ABCA13: variants seen among roughly 807,000 people sequenced by gnomAD.
The protein encoded by ABCA13 is ATP binding cassette subfamily A member 13, also known as ATP-binding cassette sub-family A member 13.
Under a neutral mutation model 478.7 loss-of-function variants are expected in ABCA13, and 476 were observed. That is an observed-to-expected ratio of 0.99 (90% CI 0.92 to 1.07). The LOEUF (loss-of-function observed/expected upper bound fraction) is 1.07. Among genes scored for constraint, ABCA13 ranks in the 50% least tolerant of loss-of-function variants. The pLI, the probability that ABCA13 is intolerant of heterozygous loss-of-function variation, is 0.00. For synonymous variants in ABCA13, 2,252 were observed against 2,158.9 expected (o/e 1.04, Z -1.20); for missense variants, 6,060 against 5,910.6 (o/e 1.03, Z -0.83).
chr7:48,303,754 GTT>G (rs1010182052), intron 23 of ABCA13, among the ~76,000 whole-genome samples: 18 of 152,166 alleles, frequency 1.2e-4, no homozygotes, highest in Admixed American at 1.1e-3. Context: ...CTTTCAAGGT[GTT>G]TTTTGATATC....
At position 48,489,235 on chromosome 7, in the gene ABCA13, G is replaced by C. The variant is rs768463507; in HGVS notation, c.13183-1G>C. On this transcript the variant is annotated splice_acceptor_variant, in intron 47 of 61. Transcript: ENST00000435803. LOFTEE classifies it high-confidence loss of function. ...CCATTAAATTATCTTTCTTTTTTTA[G>C]GTGTGGTATAATCAGAAGGGTTTTC... 2.5e-6 allele frequency: 4 copies of C among 1,601,162 alleles called. No individual in the cohort carries two copies. The highest frequency in any genetic ancestry group is 1.3e-5 in the African/African-American group (1 of 74,686).
At chr7:48,586,321 T>A (rs1332771239) in intron 56 of ABCA13, among the ~76,000 whole-genome samples, 1 of 152,162 alleles carries the variant, frequency 6.6e-6, no homozygotes, top group Non-Finnish European at 1.5e-5. Context: ...ACTCTGAGTT[T>A]GCAAACATTA....
At chr7:48,394,671 G>C (rs1816582711) in intron 38 of ABCA13, among the ~76,000 whole-genome samples, 1 of 152,046 alleles carries the variant, frequency 6.6e-6, no homozygotes, top group Admixed American at 6.6e-5. Context: ...TTGAATAACT[G>C]GATTTTTTTT....
chr7:48,611,437 A>C (rs1205238935), intron 58 of ABCA13, among the ~76,000 whole-genome samples: 1 of 152,162 alleles, frequency 6.6e-6, no homozygotes, highest in Non-Finnish European at 1.5e-5. Flanking sequence ...TTTCTGTATT[A>C]GTTTCTTTTC....
Position 48,272,252 on chromosome 7 carries a change from A to C in ABCA13, c.2586A>C (p.Pro862=). 6.2e-7 allele frequency: 1 copy of C among 1,612,740 alleles called. No homozygotes were observed. The highest frequency in any genetic ancestry group is 8.5e-7 in the Non-Finnish European group (1 of 1,179,518). The part of the protein sequence containing the change: ...NFFTLLNFSV[P]ENEILSTSFN... ...TTACACTTTTAAATTTTTCTGTTCC[A>C]GAAAATGAGATTCTGAGTACAAGTT... The change falls in exon 17 of 62, where the codon CCA becomes CCC. Residue 862 remains proline, a synonymous_variant. Transcript: ENST00000435803.
chr7:48,624,418 G>A (rs1793466073), intron 59 of ABCA13, among the ~76,000 whole-genome samples: 1 of 151,990 alleles, frequency 6.6e-6, no homozygotes, highest in African/African-American at 2.4e-5. Context: ...AAACACTCCT[G>A]TCATGGAAAG....
chr7:48,340,753 CACT>C (rs1388272657), intron 29 of ABCA13, among the ~76,000 whole-genome samples: 4 of 152,186 alleles, frequency 2.6e-5, no homozygotes, highest in Non-Finnish European at 2.9e-5. Context: ...GCTTAGCCAA[CACT>C]ACTTTTGAAT....
rs1448751909 is a variant in ABCA13, at chr7:48,580,383, C to T, written c.14505+9C>T. On this transcript the variant is annotated intron_variant, in intron 56 of 61. Transcript: ENST00000435803. ...GGCAGTGCATCCCTGAGGTAAATCT[C>T]CCTGGGGTCTTCTAGATAAAGGGAC... 1 of 1,608,674 alleles carries T rather than the reference C, an allele frequency of 6.2e-7. No homozygotes were observed. Among genetic ancestry groups the T allele is most frequent in the African/African-American group, 1.3e-5 (1 of 74,970 alleles).
At chr7:48,456,931 G>A (rs1238939578) in intron 43 of ABCA13, among the ~76,000 whole-genome samples, 1 of 152,072 alleles carries the variant, frequency 6.6e-6, no homozygotes, top group East Asian at 1.9e-4. Flanking sequence ...AAAGGCATCA[G>A]TATTTTTATG....
intron 1 of ABCA13, among the ~76,000 whole-genome samples, chr7:48,185,475 A>C (rs1172554264): frequency 6.6e-6 from 1 of 152,284 alleles, no homozygotes; most frequent in Non-Finnish European, 1.5e-5. Flanking sequence ...ACAAACAAAA[A>C]CCTTTTGGAA....
intron 41 of ABCA13, among the ~76,000 whole-genome samples, chr7:48,417,368 G>C (rs994794003): frequency 2.6e-5 from 4 of 152,094 alleles, no homozygotes; most frequent in African/African-American, 9.7e-5. Flanking sequence ...CTGGCCTGCT[G>C]CCCCATATCT....
At chr7:48,392,653 G>C (rs971704627) in intron 38 of ABCA13, among the ~76,000 whole-genome samples, 1 of 152,174 alleles carries the variant, frequency 6.6e-6, no homozygotes. Flanking sequence ...GTTCATGAGT[G>C]GGGGACTGTG....
Position 48,392,104 on chromosome 7 carries a change from G to A in ABCA13, c.11838G>A (p.Gln3946=), listed in dbSNP as rs769861874. The stretch of plus-strand genomic sequence containing the variant: ...TCTTTGCTTCCATAAAGGCGCCTCA[G>A]TGGACCAAGAAGGAGCTGCATCAGC... The part of the protein sequence containing the change: ...LLLFASIKAP[Q]WTKKELHQQV... The change falls in exon 38 of 62, where the codon CAG becomes CAA. Residue 3946 remains glutamine (Q), a synonymous_variant. Transcript: ENST00000435803. 8.7e-6 allele frequency: 14 copies of A among 1,613,814 alleles called. No individual in the cohort carries two copies. In the Middle Eastern group the frequency reaches 4.9e-4, roughly 57 times the overall value.
chr7:48,406,018 G>C (rs7785052), intron 39 of ABCA13, among the ~76,000 whole-genome samples: 31,137 of 152,118 alleles, frequency 0.2, 3,482 homozygotes, highest in East Asian at 0.23. Flanking sequence ...GGTAATCATA[G>C]AGCTCTGTGA....
rs906486732 is a variant in ABCA13, at chr7:48,414,589, TATAC to T, written c.12459+2014_12459+2017del. Among the ~76,000 whole-genome samples the T allele has an allele frequency of 3.3e-4, 49 of 150,190 alleles. 1 individual carries two copies. Among genetic ancestry groups the T allele is most frequent in the African/African-American group, 1.1e-3 (44 of 41,178 alleles). ...ATATGTATACATATGTAACATATAA[TATAC>T]ATACATATACATATATTACATGTAA... is the stretch of plus-strand genomic sequence containing the variant. On this transcript the variant is annotated intron_variant, in intron 41 of 61. Coordinates refer to ENST00000435803, the MANE Select transcript of ABCA13 (RefSeq NM_152701.5).
chr7:48,333,413 A>G (rs546025363), intron 27 of ABCA13, among the ~76,000 whole-genome samples: 7 of 152,206 alleles, frequency 4.6e-5, no homozygotes, highest in Non-Finnish European at 8.8e-5. Context: ...AACACTAGCC[A>G]GGTTATTCCA....
chr7:48,242,107 C>T (rs1424964439), intron 10 of ABCA13, among the ~76,000 whole-genome samples: 1 of 152,054 alleles, frequency 6.6e-6, no homozygotes. Context: ...TATTGAAAAC[C>T]TCCCTGCTGG....
chr7:48,293,202 C>CCCA (rs927207448), intron 20 of ABCA13, among the ~76,000 whole-genome samples: 1 of 136,814 alleles, frequency 7.3e-6, no homozygotes, highest in African/African-American at 2.6e-5. Context: ...GCCCCCCCCC[C>CCCA]GCCACACACA....
chr7:48,293,520 A>C (rs1798883192), intron 20 of ABCA13, among the ~76,000 whole-genome samples: 1 of 152,236 alleles, frequency 6.6e-6, no homozygotes, highest in Non-Finnish European at 1.5e-5. Context: ...GTTGATATAA[A>C]TAAAATGTGA....
Sources: gnomAD v4.1 joint callset for allele counts (sites outside exome capture counted in the v4.1 genomes callset) on GRCh38, gnomAD v4.1.1 for gene constraint, MANE v1.5 for transcripts, NCBI Gene and HGNC (gene_info 2026-07-23, HGNC 2026-07-21) for gene names.